Variants in PDE4D observed in about 807,000 individuals in gnomAD.
The protein encoded by PDE4D is phosphodiesterase 4D.
PDE4D carries 24 observed loss-of-function variants against 87.4 expected under a neutral mutation model. The ratio of observed to expected loss-of-function variants is 0.27; its 90% CI spans 0.20 to 0.39. The LOEUF (loss-of-function observed/expected upper bound fraction) is 0.39, where lower values mean the gene tolerates loss of function less well. Among genes scored for constraint, PDE4D ranks in the 10% least tolerant of loss-of-function variants. The pLI is 1.00. For synonymous variants in PDE4D, 384 were observed against 383.2 expected, an observed-to-expected ratio of 1.00 and a Z score of -0.02; for missense variants, 714 against 1,041.0, an observed-to-expected ratio of 0.69 and a Z score of 4.32.
At position 59,945,096 on chromosome 5, in the gene PDE4D, T is replaced by G. The variant is rs561421330; in HGVS notation, c.272+43392A>C. ...CTATTGAGAAGCAATAAAATTTCAC[T>G]ATTATTACTTTGCCAAGTTTTTCTG... On this transcript the variant is annotated intron_variant, in intron 3 of 16. Transcript: ENST00000502484. 2.8e-4 allele frequency among the ~76,000 whole-genome samples: 42 copies of G among 152,368 alleles called. 1 individual carries two copies. Among genetic ancestry groups the G allele is most frequent in the African/African-American group, 1.0e-3 (42 of 41,600 alleles).
At chr5:60,298,162 A>G (rs1187231619) in intron 1 of PDE4D, among the ~76,000 whole-genome samples, 1 of 151,856 alleles carries the variant, frequency 6.6e-6, no homozygotes, top group Admixed American at 6.6e-5. Flanking sequence ...AAAAAAAAAA[A>G]GATTACAGGA....
At chr5:59,408,069 A>C (rs1201308813) in intron 1 of PDE4D, among the ~76,000 whole-genome samples, 1 of 152,238 alleles carries the variant, frequency 6.6e-6, no homozygotes, top group East Asian at 1.9e-4. Context: ...AACAAGTGCT[A>C]ATAGCCAAAA....
At chr5:59,225,649 G>A (rs1349999437) in intron 1 of PDE4D, among the ~76,000 whole-genome samples, 2 of 150,604 alleles carry the variant, frequency 1.3e-5, no homozygotes, top group African/African-American at 2.5e-5. Flanking sequence ...AGGCAAGTGG[G>A]ACTACATCAA....
At chr5:59,035,286 A>T (rs1201367508) in intron 6 of PDE4D, among the ~76,000 whole-genome samples, 1 of 152,238 alleles carries the variant, frequency 6.6e-6, no homozygotes, top group Non-Finnish European at 1.5e-5. Flanking sequence ...TCTGTCTGGC[A>T]TTCTGTAACT....
intron 2 of PDE4D, among the ~76,000 whole-genome samples, chr5:59,204,562 C>A (rs1308854284): frequency 6.6e-6 from 1 of 152,148 alleles, no homozygotes; most frequent in Non-Finnish European, 1.5e-5. Context: ...TTAATAAAAA[C>A]CAATACAATA....
At chr5:59,027,487 C>T (rs551162851) in intron 6 of PDE4D, among the ~76,000 whole-genome samples, 18 of 152,208 alleles carry the variant, frequency 1.2e-4, no homozygotes, top group African/African-American at 3.9e-4. Flanking sequence ...TTGGGAATTC[C>T]GCACAGGAGG....
chr5:59,988,266 CA>C, intron 3 of PDE4D: 1 of 458,778 alleles, frequency 2.2e-6, no homozygotes, highest in Non-Finnish European at 3.9e-6. Context: ...TAGCATTCAC[CA>C]ATACATTTTC....
intron 5 of PDE4D, among the ~76,000 whole-genome samples, chr5:59,155,446 C>A (rs563974932): frequency 6.6e-6 from 1 of 152,238 alleles, no homozygotes; most frequent in Admixed American, 6.5e-5. Flanking sequence ...AGTTCATTGG[C>A]AACCAAGGGA....
chr5:59,260,149 G>A (rs1219618545), intron 1 of PDE4D, among the ~76,000 whole-genome samples: 1 of 151,566 alleles, frequency 6.6e-6, no homozygotes, highest in Non-Finnish European at 1.5e-5. Context: ...TTCTCCCCAA[G>A]TTGGTTCCCA....
intron 1 of PDE4D, among the ~76,000 whole-genome samples, chr5:59,241,391 T>C (rs1286226974): frequency 2.0e-5 from 3 of 152,202 alleles, no homozygotes; most frequent in Non-Finnish European, 2.9e-5. Flanking sequence ...ATGGATGCTC[T>C]CTACACTTGA....
rs148076227 is a variant in PDE4D at position 59,456,855 on chromosome 5, G to T, written c.456-240887C>A. Reference sequence around the variant, plus strand: ...TGCAGATATGGTAGAAATAGCAAGAGAACAAGCATTGGAAGTGGAGCCTGA... The same window carrying T: ...TGCAGATATGGTAGAAATAGCAAGATAACAAGCATTGGAAGTGGAGCCTGA... On this transcript the variant is annotated intron_variant, in intron 1 of 14. Transcript: ENST00000340635. Among the ~76,000 whole-genome samples, 226 of 152,298 alleles carry T rather than the reference G, an allele frequency of 1.5e-3. 1 individual carries two copies. The highest frequency in any genetic ancestry group is 3.9e-3 in the Admixed American group (60 of 15,290).
At chr5:60,225,942 T>C (rs1745041349) in intron 1 of PDE4D, among the ~76,000 whole-genome samples, 1 of 152,092 alleles carries the variant, frequency 6.6e-6, no homozygotes, top group African/African-American at 2.4e-5. Context: ...TCCTAACGAC[T>C]GGGCTACTGA....
At position 60,327,074 on chromosome 5, in the gene PDE4D, C is replaced by T. The variant is rs547247088; in HGVS notation, c.-89-141387G>A. 4.0e-3 allele frequency among the ~76,000 whole-genome samples: 610 copies of T among 152,224 alleles called. 3 individuals are homozygous for T. Among genetic ancestry groups the T allele is most frequent in the Middle Eastern group, 6.8e-3 (2 of 294 alleles). On this transcript the variant is annotated intron_variant, in intron 1 of 16. Coordinates refer to the PDE4D transcript ENST00000502484. ...TTAATAGAACCTACTGTAGCAGAGG[C>T]AAAATTTCACCTCTGCTCTCTTAGA...
chr5:59,858,960 C>T (rs996459857), intron 1 of PDE4D, among the ~76,000 whole-genome samples: 1 of 152,124 alleles, frequency 6.6e-6, no homozygotes, highest in Admixed American at 6.5e-5. Context: ...ATAGAGGCTC[C>T]AGAACAAACA....
At chr5:60,212,497 T>C (rs1743346428) in intron 1 of PDE4D, among the ~76,000 whole-genome samples, 1 of 152,206 alleles carries the variant, frequency 6.6e-6, no homozygotes, top group African/African-American at 2.4e-5. Flanking sequence ...CTGGGGATAC[T>C]AGAAGAGAGA....
chr5:60,116,932 T>C (rs527669486), intron 2 of PDE4D, among the ~76,000 whole-genome samples: 37 of 152,096 alleles, frequency 2.4e-4, no homozygotes, highest in African/African-American at 8.2e-4. Context: ...GATTATGAGA[T>C]CTGAATAAAA....
At chr5:60,244,152 T>C (rs915978030) in intron 1 of PDE4D, among the ~76,000 whole-genome samples, 2 of 151,940 alleles carry the variant, frequency 1.3e-5, no homozygotes, top group Non-Finnish European at 1.5e-5. Flanking sequence ...CATTTCTAAA[T>C]GCCAAGAGTG....
intron 2 of PDE4D, among the ~76,000 whole-genome samples, chr5:60,083,459 A>G (rs749948015): frequency 6.6e-6 from 1 of 152,182 alleles, no homozygotes; most frequent in Non-Finnish European, 1.5e-5. Context: ...ATAATGTAAA[A>G]CTCTACAAAA....
At chr5:60,273,851 C>CA (rs1029414569) in intron 1 of PDE4D, among the ~76,000 whole-genome samples, 40 of 147,504 alleles carry the variant, frequency 2.7e-4, no homozygotes, top group Non-Finnish European at 4.2e-4. Context: ...TTTGAGAAAT[C>CA]AAAAAAAAAA....
Sources: allele counts gnomAD v4.1 joint callset (sites outside exome capture counted in the v4.1 genomes callset), GRCh38; gene constraint gnomAD v4.1.1; transcripts MANE v1.5; gene names NCBI Gene and HGNC (gene_info 2026-07-23, HGNC 2026-07-21).